Variants in TMEM167A observed in about 807,000 individuals in gnomAD.
The protein encoded by TMEM167A is transmembrane protein 167A.
TMEM167A carries 8 observed loss-of-function variants against 11.6 expected under a neutral mutation model. The observed-to-expected ratio is 0.69, with a 90% CI of 0.40 to 1.24. The LOEUF (loss-of-function observed/expected upper bound fraction) is 1.24. Among genes scored for constraint, TMEM167A ranks in the 50% most tolerant of loss-of-function variants. The probability of loss-of-function intolerance (pLI) is 0.01; values close to 1 mark genes in which losing one functional copy is unlikely to be tolerated. For synonymous variants in TMEM167A, 22 were observed against 28.0 expected, an observed-to-expected ratio of 0.79 and a Z score of 0.67; for missense variants, 62 against 87.0, an observed-to-expected ratio of 0.71 and a Z score of 1.14.
In TMEM167A at chr5:83,055,046, A is replaced by T. The variant is rs933800424; in HGVS notation, c.*2038T>A. The T allele has an allele frequency of 6.6e-6, 1 of 151,994 alleles. No individual in the cohort carries two copies. Among genetic ancestry groups the T allele is most frequent in the Non-Finnish European group, 1.5e-5 (1 of 67,932 alleles). 9.4% of individuals were successfully genotyped at this position (151,994 alleles called of 1,614,324 possible). A position where few individuals can be genotyped will look rare whatever the true frequency, so the allele number is the denominator to read the frequency against. On this transcript the variant is annotated 3_prime_UTR_variant, in exon 4 of 4. Transcript: ENST00000502346. ...GAAAATGTTAATTGCTTTTATTCATACTGTGTCTCTCCCTGACTTCTCCAA... is the reference window on the plus strand; with the variant it reads ...GAAAATGTTAATTGCTTTTATTCATTCTGTGTCTCTCCCTGACTTCTCCAA...
chr5:83,066,223 G>A (rs568197836), intron 1 of TMEM167A, among the ~76,000 whole-genome samples: 10 of 152,174 alleles, frequency 6.6e-5, no homozygotes, highest in Non-Finnish European at 1.3e-4. Flanking sequence ...GATAAAATAT[G>A]TCAATCTCAC....
chr5:83,056,717 T>C lies in TMEM167A; in HGVS notation c.*367A>G. On this transcript the variant is annotated 3_prime_UTR_variant, in exon 4 of 4. Coordinates refer to ENST00000502346, the MANE Select transcript of TMEM167A (RefSeq NM_174909.5). ...TAGTCCAAAAAAGGTTCTCATTCTA[T>C]AAAGATTAAATCATTTCCAAATCAC... 3.9e-6 allele frequency: 1 copy of C among 254,730 alleles called. No homozygotes were observed. The highest frequency in any genetic ancestry group is 7.6e-6 in the Non-Finnish European group (1 of 132,238). The allele number at this position is 254,730 out of a possible 1,614,324, so 15.8% of individuals were successfully genotyped here.
Position 83,060,610 on chromosome 5 carries a change from T to A in TMEM167A, c.148+1267A>T, listed in dbSNP as rs945633302. The stretch of plus-strand genomic sequence containing the variant: ...ACTTTGGGAGGCCGAGGCGGGCGGA[T>A]CACAAGGTCAGGAGTTGGAGAGCAG... On this transcript the variant is annotated intron_variant, in intron 3 of 3. Coordinates refer to ENST00000502346, the MANE Select transcript of TMEM167A (RefSeq NM_174909.5). 4.0e-5 allele frequency among the ~76,000 whole-genome samples: 6 copies of A among 151,838 alleles called. No homozygotes were observed. In the East Asian group the frequency reaches 7.7e-4, roughly 20 times the overall value.
intron 3 of TMEM167A, among the ~76,000 whole-genome samples, chr5:83,061,405 T>C (rs1293216006): frequency 1.3e-5 from 2 of 150,816 alleles, no homozygotes; most frequent in East Asian, 1.9e-4. Flanking sequence ...CCACCAAATC[T>C]AGTTTTATTC....
chr5:83,064,537 C>T (rs1580175171), intron 2 of TMEM167A, among the ~76,000 whole-genome samples: 3 of 152,064 alleles, frequency 2.0e-5, no homozygotes, highest in East Asian at 1.9e-4. Flanking sequence ...TTACAGTTGG[C>T]GGGTACAGAA....
chr5:83,062,101 C>A, intron 2 of TMEM167A, 190 bp from the exon 3 acceptor site: 1 of 518,586 alleles, frequency 1.9e-6, no homozygotes, highest in Non-Finnish European at 3.5e-6. Context: ...AATGACATAT[C>A]AACCATCAAT....
intron 3 of TMEM167A, among the ~76,000 whole-genome samples, chr5:83,060,445 A>G (rs571881425): frequency 3.3e-5 from 5 of 151,896 alleles, no homozygotes; most frequent in South Asian, 4.2e-4. Flanking sequence ...GAAATATTCA[A>G]TTTCAGTCCA....
intron 1 of TMEM167A, among the ~76,000 whole-genome samples, chr5:83,074,796 G>GT (rs1744614531): frequency 1.3e-5 from 2 of 150,544 alleles, no homozygotes; most frequent in East Asian, 3.9e-4. Flanking sequence ...TTGAGATGGA[G>GT]TTTCGCTCTT....
intron 3 of TMEM167A, 135 bp downstream of exon 3, chr5:83,061,742 T>C: frequency 3.5e-6 from 3 of 846,268 alleles, no homozygotes; most frequent in Non-Finnish European, 5.7e-6. Flanking sequence ...GTACAACTTA[T>C]AAACTTTTGC....
chr5:83,070,024 T>G (rs145549603), intron 1 of TMEM167A, among the ~76,000 whole-genome samples: 50 of 152,200 alleles, frequency 3.3e-4, no homozygotes, highest in African/African-American at 1.2e-3. Context: ...AAGATGCAAA[T>G]TTCCTTATAT....
At position 83,053,281 on chromosome 5, in the gene TMEM167A, T is replaced by A. The variant is rs1580170809; in HGVS notation, c.*3803A>T. 1.3e-5 allele frequency: 2 copies of A among 152,060 alleles called. No homozygotes were observed. The highest frequency in any genetic ancestry group is 4.1e-4 in the South Asian group (2 of 4,824). The allele number at this position is 152,060 out of a possible 1,614,324, so 9.4% of individuals were successfully genotyped here. On this transcript the variant is annotated 3_prime_UTR_variant, in exon 4 of 4. Coordinates refer to ENST00000502346, the MANE Select transcript of TMEM167A (RefSeq NM_174909.5). ...CGTAAGTCCTTGCTTTTTGAGAATT[T>A]TTTTTTGTGCACCCAGGAAATGTAA...
rs1157642748 is a variant in TMEM167A at position 83,055,776 on chromosome 5, A to G, written c.*1308T>C. The G allele has an allele frequency of 7.2e-6, 1 of 139,058 alleles. No homozygotes were observed. Among genetic ancestry groups the G allele is most frequent in the Non-Finnish European group, 1.6e-5 (1 of 63,972 alleles). The allele number at this position is 139,058 out of a possible 1,614,324, so 8.6% of individuals were successfully genotyped here. A position where few individuals can be genotyped will look rare whatever the true frequency, so the allele number is the denominator to read the frequency against. On this transcript the variant is annotated 3_prime_UTR_variant, in exon 4 of 4. Transcript: ENST00000502346. ...TTCCATACGTTGTTTCTGCAGAAAT[A>G]ACTACTAGCCTATTAATCTAGAAAT...
At chr5:83,069,526 A>G (rs1351331659) in intron 1 of TMEM167A, among the ~76,000 whole-genome samples, 1 of 151,976 alleles carries the variant, frequency 6.6e-6, no homozygotes, top group Non-Finnish European at 1.5e-5. Flanking sequence ...AAGGTACTCT[A>G]TTGAGTTTTG....
Position 83,053,773 on chromosome 5 carries a change from T to A in TMEM167A, c.*3311A>T, listed in dbSNP as rs993324717. ...ATGCTCTCAAGTTCAGCTTAAGCAG[T>A]GCTCCTCTGGAAGTTCACACCCTAA... On this transcript the variant is annotated 3_prime_UTR_variant, in exon 4 of 4. Coordinates refer to ENST00000502346, the MANE Select transcript of TMEM167A (RefSeq NM_174909.5). 6.6e-6 allele frequency: 1 copy of A among 152,090 alleles called. No homozygotes were observed. The highest frequency in any genetic ancestry group is 2.1e-4 in the South Asian group (1 of 4,836). 9.4% of individuals were successfully genotyped at this position (152,090 alleles called of 1,614,324 possible).
rs1203221201 is a variant in TMEM167A, at chr5:83,055,314, C to T, written c.*1770G>A. The T allele has an allele frequency of 6.6e-6, 1 of 151,956 alleles. No individual in the cohort carries two copies. Among genetic ancestry groups the T allele is most frequent in the African/African-American group, 2.4e-5 (1 of 41,372 alleles). The allele number at this position is 151,956 out of a possible 1,614,324, so 9.4% of individuals were successfully genotyped here. On this transcript the variant is annotated 3_prime_UTR_variant, in exon 4 of 4. Coordinates refer to ENST00000502346, the MANE Select transcript of TMEM167A (RefSeq NM_174909.5). ...TCTTAGCATATAAAAAATTAGTTGA[C>T]ATGGCTTTCGGAAAGTCCAGTTGGC...
chr5:83,071,384 T>C (rs149277847), intron 1 of TMEM167A: 2 of 152,338 alleles, frequency 1.3e-5, no homozygotes, highest in Admixed American at 1.3e-4. Context: ...GAAACTAGTT[T>C]ATCCCTTTTT....
intron 3 of TMEM167A, among the ~76,000 whole-genome samples, chr5:83,060,283 A>G (rs1744389324): frequency 6.6e-6 from 1 of 151,992 alleles, no homozygotes; most frequent in Non-Finnish European, 1.5e-5. Context: ...GCTAACAATA[A>G]ATGTCAAACG....
At position 83,056,955 on chromosome 5, in the gene TMEM167A, AG is replaced by A; in HGVS notation, c.*128del. The A allele has an allele frequency of 1.2e-6, 1 of 808,800 alleles. No individual in the cohort carries two copies. The highest frequency in any genetic ancestry group is 2.6e-5 in the East Asian group (1 of 37,968). 50.1% of individuals were successfully genotyped at this position (808,800 alleles called of 1,614,324 possible). A position where few individuals can be genotyped will look rare whatever the true frequency, so the allele number is the denominator to read the frequency against. ...GTCCAATAACATTAAAATAGAGAAC[AG>A]CATCTGGAAATTTATCTCATTCAAT... On this transcript the variant is annotated 3_prime_UTR_variant, in exon 4 of 4. Transcript: ENST00000502346.
chr5:83,074,859 C>T (rs1194558749), intron 1 of TMEM167A, among the ~76,000 whole-genome samples: 1 of 152,080 alleles, frequency 6.6e-6, no homozygotes, highest in Non-Finnish European at 1.5e-5. Context: ...CAACCTCCAC[C>T]TCCTGGGTTC....
Sources: gnomAD v4.1 joint callset for allele counts (sites outside exome capture counted in the v4.1 genomes callset) on GRCh38, gnomAD v4.1.1 for gene constraint, MANE v1.5 for transcripts, NCBI Gene and HGNC (gene_info 2026-07-23, HGNC 2026-07-21) for gene names.